NRXN3: variants seen among roughly 807,000 people sequenced by gnomAD.
NRXN3 encodes the protein neurexin III.
Under a neutral mutation model 137.6 loss-of-function variants are expected in NRXN3, and 32 were observed. That is an observed-to-expected ratio of 0.23 (90% CI 0.18 to 0.31). The LOEUF (loss-of-function observed/expected upper bound fraction) is 0.31, where lower values mean the gene tolerates loss of function less well. NRXN3 is among the 10% of genes least tolerant of loss of function. The probability of loss-of-function intolerance (pLI) is 1.00; values close to 1 mark genes in which losing one functional copy is unlikely to be tolerated. For synonymous variants in NRXN3, 798 were observed against 784.5 expected (o/e 1.02, Z -0.29); for missense variants, 1,574 against 2,062.5 (o/e 0.76, Z 4.59).
intron 10 of NRXN3, among the ~76,000 whole-genome samples, chr14:78,920,100 GT>G (rs2099267013): frequency 6.6e-6 from 1 of 152,090 alleles, no homozygotes; most frequent in African/African-American, 2.4e-5. Flanking sequence ...AAACAACAAC[GT>G]TTACTTCTCA....
intron 8 of NRXN3, 64 bp downstream of exon 8, chr14:78,715,203 C>G (rs1019487140): frequency 1.1e-5 from 17 of 1,555,716 alleles, no homozygotes; most frequent in Non-Finnish European, 1.4e-5. Flanking sequence ...CAGTTGGATC[C>G]CTGGGCAGCC....
chr14:79,101,720 A>G (rs562101609), intron 15 of NRXN3, among the ~76,000 whole-genome samples: 1 of 152,322 alleles, frequency 6.6e-6, no homozygotes, highest in South Asian at 2.1e-4. Flanking sequence ...AGGATATGTC[A>G]AAGAAGTCCT....
At chr14:78,666,012 C>G (rs1215047201) in intron 6 of NRXN3, among the ~76,000 whole-genome samples, 1 of 152,154 alleles carries the variant, frequency 6.6e-6, no homozygotes, top group Non-Finnish European at 1.5e-5. Flanking sequence ...TGTGCTCAGT[C>G]AGCATCTCCT....
chr14:78,627,328 T>C (rs1336457968), intron 4 of NRXN3, among the ~76,000 whole-genome samples: 1 of 152,100 alleles, frequency 6.6e-6, no homozygotes, highest in African/African-American at 2.4e-5. Flanking sequence ...ATTGGAGTCA[T>C]TTAGGCAGCA....
At chr14:78,724,172 GTC>G (rs1001195468) in intron 8 of NRXN3, among the ~76,000 whole-genome samples, 6 of 152,008 alleles carry the variant, frequency 3.9e-5, no homozygotes, top group African/African-American at 1.5e-4. Flanking sequence ...CCCTATTCTG[GTC>G]TCTCATTTGG....
At chr14:78,320,823 A>G (rs2079247279) in intron 4 of NRXN3, among the ~76,000 whole-genome samples, 2 of 152,142 alleles carry the variant, frequency 1.3e-5, no homozygotes, top group African/African-American at 4.8e-5. Flanking sequence ...CTCACCTAAG[A>G]TCACCCAGCC....
chr14:78,884,379 TG>T (rs2099137354), intron 10 of NRXN3, among the ~76,000 whole-genome samples: 1 of 152,212 alleles, frequency 6.6e-6, no homozygotes, highest in Non-Finnish European at 1.5e-5. Context: ...AAATATCTTC[TG>T]GGTATTTGAT....
chr14:79,264,767 T>G (rs1311998605), intron 15 of NRXN3, among the ~76,000 whole-genome samples: 1 of 151,974 alleles, frequency 6.6e-6, no homozygotes, highest in Non-Finnish European at 1.5e-5. Context: ...TTGCAGAGAG[T>G]AACTAGAAAA....
intron 3 of NRXN3, among the ~76,000 whole-genome samples, chr14:78,290,388 C>G (rs1217202879): frequency 1.3e-5 from 2 of 152,142 alleles, no homozygotes; most frequent in Non-Finnish European, 2.9e-5. Context: ...TGGAGCAGGC[C>G]TAGGCTCTGC....
intron 4 of NRXN3, among the ~76,000 whole-genome samples, chr14:78,586,407 G>A (rs956488003): frequency 3.3e-5 from 5 of 152,170 alleles, no homozygotes; most frequent in African/African-American, 9.6e-5. Context: ...ATTAGAATAC[G>A]TGAGGCTGGG....
chr14:78,205,470 T>G (rs1008500394), intron 1 of NRXN3, among the ~76,000 whole-genome samples: 4 of 152,144 alleles, frequency 2.6e-5, no homozygotes, highest in Non-Finnish European at 5.9e-5. Flanking sequence ...TTGGGTAGAG[T>G]TTGCATGAAA....
chr14:78,411,312 T>C (rs1375434962), intron 4 of NRXN3, among the ~76,000 whole-genome samples: 1 of 152,170 alleles, frequency 6.6e-6, no homozygotes, highest in Non-Finnish European at 1.5e-5. Context: ...TGAATTAGTA[T>C]TTTGAGCAGT....
intron 15 of NRXN3, among the ~76,000 whole-genome samples, chr14:79,216,557 A>G (rs1384549577): frequency 6.6e-6 from 1 of 152,166 alleles, no homozygotes; most frequent in Non-Finnish European, 1.5e-5. Context: ...CATCTTATAA[A>G]AGTAAAAAAT....
At chr14:78,778,880 T>C (rs2153022105) in intron 8 of NRXN3, among the ~76,000 whole-genome samples, 1 of 151,478 alleles carries the variant, frequency 6.6e-6, no homozygotes, top group South Asian at 2.1e-4. Flanking sequence ...ATTAATGACC[T>C]ATCAATTCTA....
intron 19 of NRXN3, among the ~76,000 whole-genome samples, chr14:79,767,813 G>A (rs980021507): frequency 2.4e-4 from 36 of 152,320 alleles, no homozygotes; most frequent in South Asian, 4.1e-4. Flanking sequence ...AGCTCCCAGC[G>A]GGAGCAACGC....
At chr14:79,146,084 G>A (rs75980084) in intron 15 of NRXN3, among the ~76,000 whole-genome samples, 207 of 152,158 alleles carry the variant, frequency 1.4e-3, no homozygotes, top group African/African-American at 4.9e-3. Flanking sequence ...CTTTTATTGT[G>A]GTAATTATTT....
chr14:79,175,075 G>C (rs35100523), intron 15 of NRXN3, among the ~76,000 whole-genome samples: 5,752 of 151,464 alleles, frequency 0.038, 257 homozygotes, highest in East Asian at 0.23. Context: ...CCGTCTCCCG[G>C]GTTCACGCCA....
chr14:78,323,033 A>T (rs954459833), intron 4 of NRXN3, among the ~76,000 whole-genome samples: 1 of 152,058 alleles, frequency 6.6e-6, no homozygotes, highest in Non-Finnish European at 1.5e-5. Context: ...GCCTCTACAA[A>T]TAAAGGCTTG....
At chr14:79,517,255 T>C (rs1014985711) in intron 16 of NRXN3, among the ~76,000 whole-genome samples, 13 of 152,168 alleles carry the variant, frequency 8.5e-5, no homozygotes, top group African/African-American at 3.1e-4. Context: ...TGTTTATATG[T>C]TTAGGAACTT....
Sources: gnomAD v4.1 joint callset for allele counts (sites outside exome capture counted in the v4.1 genomes callset) on GRCh38, gnomAD v4.1.1 for gene constraint, MANE v1.5 for transcripts, NCBI Gene and HGNC (gene_info 2026-07-23, HGNC 2026-07-21) for gene names.